The following LRP1B variants were observed in gnomAD, a reference collection of about 807,000 sequenced individuals.
LRP1B encodes the protein low-density lipoprotein receptor-related protein 1B.
LRP1B carries 217 observed loss-of-function variants against 556.6 expected under a neutral mutation model. That is an observed-to-expected ratio of 0.39 (90% CI 0.35 to 0.44). The LOEUF is 0.44. Among genes scored for constraint, LRP1B ranks in the 20% least tolerant of loss-of-function variants. LRP1B has a pLI of 1.00. For synonymous variants in LRP1B, 2,047 were observed against 1,865.8 expected (o/e 1.10, Z -2.50); for missense variants, 5,053 against 5,620.8 (o/e 0.90, Z 3.23).
chr2:141,431,151 A>AAAT (rs1322761674), intron 3 of LRP1B, among the ~76,000 whole-genome samples: 1 of 151,726 alleles, frequency 6.6e-6, no homozygotes, highest in African/African-American at 2.4e-5. Context: ...CAAAATAAAT[A>AAAT]AATAAATAAA....
At chr2:140,982,103 G>T (rs1696786810) in intron 18 of LRP1B, 57 bp downstream of exon 18, 2 of 1,337,168 alleles carry the variant, frequency 1.5e-6, no homozygotes, top group Non-Finnish European at 2.1e-6. Flanking sequence ...GGGTGTAGTG[G>T]TAGGGTATCC....
intron 41 of LRP1B, among the ~76,000 whole-genome samples, chr2:140,684,557 G>A (rs1030375518): frequency 6.6e-6 from 1 of 152,044 alleles, no homozygotes; most frequent in Non-Finnish European, 1.5e-5. Context: ...AAATAGAGAA[G>A]TTTTTGCCAT....
At chr2:140,444,179 C>A in intron 65 of LRP1B, 151 bp downstream of exon 65, 1 of 732,648 alleles carries the variant, frequency 1.4e-6, no homozygotes. Context: ...TTTAGAGCTT[C>A]TATCCCAGTT....
chr2:140,312,047 G>T (rs186814059), intron 83 of LRP1B, among the ~76,000 whole-genome samples: 1 of 151,836 alleles, frequency 6.6e-6, no homozygotes, highest in South Asian at 2.1e-4. Flanking sequence ...TGAATGAGAA[G>T]GAATGCTCTT....
rs961605998 is a variant in LRP1B, at chr2:140,231,902, C to G, written c.*1284G>C. 1 of 151,626 alleles carries G rather than the reference C, an allele frequency of 6.6e-6. No homozygotes were observed. The highest frequency in any genetic ancestry group is 6.6e-5 in the Admixed American group (1 of 15,104). 9.4% of individuals were successfully genotyped at this position (151,626 alleles called of 1,614,324 possible). A position where few individuals can be genotyped will look rare whatever the true frequency, so the allele number is the denominator to read the frequency against. On this transcript the variant is annotated 3_prime_UTR_variant, in exon 91 of 91. Transcript: ENST00000389484. Reference sequence around the variant, plus strand: ...CTTTAAAGATATTTGTATAAAAATGCTATCCTTTTATTTTTATATACAACT... The same window carrying G: ...CTTTAAAGATATTTGTATAAAAATGGTATCCTTTTATTTTTATATACAACT...
intron 7 of LRP1B, among the ~76,000 whole-genome samples, chr2:141,163,855 G>A (rs1482646155): frequency 6.6e-6 from 1 of 151,822 alleles, no homozygotes; most frequent in East Asian, 1.9e-4. Context: ...AACTAATACA[G>A]GTATCAATCC....
intron 2 of LRP1B, among the ~76,000 whole-genome samples, chr2:141,487,425 G>A (rs9287319): frequency 0.82 from 124,058 of 152,040 alleles, 52,077 homozygotes; most frequent in East Asian, 0.93. Context: ...CCTCTGACAT[G>A]TTAGAAGTTA....
At chr2:141,879,502 C>T (rs1698882343) in intron 1 of LRP1B, among the ~76,000 whole-genome samples, 1 of 151,668 alleles carries the variant, frequency 6.6e-6, no homozygotes, top group Non-Finnish European at 1.5e-5. Flanking sequence ...TTATTTTAAA[C>T]TTTGGATAAG....
intron 2 of LRP1B, among the ~76,000 whole-genome samples, chr2:141,735,912 T>C (rs1289084769): frequency 6.6e-6 from 1 of 152,160 alleles, no homozygotes; most frequent in Non-Finnish European, 1.5e-5. Context: ...TCAAGGTCAG[T>C]AGAGAAACTC....
chr2:141,487,500 A>G (rs1257903865), intron 2 of LRP1B, among the ~76,000 whole-genome samples: 1 of 152,142 alleles, frequency 6.6e-6, no homozygotes, highest in African/African-American at 2.4e-5. Flanking sequence ...TCTCACGAAT[A>G]CTCTCAAAAT....
intron 2 of LRP1B, among the ~76,000 whole-genome samples, chr2:141,788,754 G>C (rs181091793): frequency 0.01 from 1,389 of 133,866 alleles, 30 homozygotes; most frequent in African/African-American, 0.038. Context: ...TGTTCTCACT[G>C]TTCAATTCCC....
Position 141,397,195 on chromosome 2 carries a change from T to TTC in LRP1B, c.343+83199_343+83200dup, listed in dbSNP as rs917208311. On this transcript the variant is annotated intron_variant, in intron 3 of 90. Coordinates refer to ENST00000389484, the MANE Select transcript of LRP1B (RefSeq NM_018557.3). ...GAAGTTTAGAGATGGTACTTTGTGT[T>TTC]TCGTCTTAGCATGACATAGATATCC... is the stretch of plus-strand genomic sequence containing the variant. 6.9e-4 allele frequency among the ~76,000 whole-genome samples: 103 copies of TTC among 150,112 alleles called. 1 individual carries two copies. Among genetic ancestry groups the TTC allele is most frequent in the African/African-American group, 2.4e-3 (100 of 41,010 alleles).
chr2:141,421,539 A>AT (rs1374861115), intron 3 of LRP1B, among the ~76,000 whole-genome samples: 6 of 152,056 alleles, frequency 3.9e-5, no homozygotes, highest in South Asian at 2.1e-4. Context: ...AAAAAAAAAA[A>AT]AAAAAATTTA....
At chr2:141,580,710 C>G (rs564563085) in intron 2 of LRP1B, among the ~76,000 whole-genome samples, 9 of 152,292 alleles carry the variant, frequency 5.9e-5, no homozygotes, top group African/African-American at 1.9e-4. Flanking sequence ...ATAAAGTTAA[C>G]CTAAACACAA....
Position 142,060,942 on chromosome 2 carries a change from C to G in LRP1B, c.82+69706G>C, listed in dbSNP as rs148555540. 3.5e-3 allele frequency among the ~76,000 whole-genome samples: 528 copies of G among 151,980 alleles called. 2 individuals are homozygous for G. Among genetic ancestry groups the G allele is most frequent in the African/African-American group, 0.012 (479 of 41,502 alleles). Reference sequence around the variant, plus strand: ...CTGACAATTAGAGTTCATAGATGACCAGGGAGGTGCTGTCCTAGAGTAAGC... The same window carrying G: ...CTGACAATTAGAGTTCATAGATGACGAGGGAGGTGCTGTCCTAGAGTAAGC... On this transcript the variant is annotated intron_variant, in intron 1 of 90. Transcript: ENST00000389484.
intron 7 of LRP1B, among the ~76,000 whole-genome samples, chr2:141,159,179 T>C (rs184966400): frequency 6.6e-6 from 1 of 152,290 alleles, no homozygotes; most frequent in African/African-American, 2.4e-5. Flanking sequence ...AAACAACATA[T>C]TTCTCACATA....
At chr2:141,157,207 A>G (rs1414460210) in intron 7 of LRP1B, among the ~76,000 whole-genome samples, 1 of 152,158 alleles carries the variant, frequency 6.6e-6, no homozygotes, top group Non-Finnish European at 1.5e-5. Context: ...ATAGGAATAT[A>G]AAAGTTTATG....
At chr2:140,858,159 T>C (rs1307156545) in intron 27 of LRP1B, among the ~76,000 whole-genome samples, 3 of 152,230 alleles carry the variant, frequency 2.0e-5, no homozygotes, top group South Asian at 4.1e-4. Context: ...CTAATAAACA[T>C]TGTACAATTC....
chr2:141,466,747 G>A (rs1682216560), intron 3 of LRP1B, among the ~76,000 whole-genome samples: 1 of 152,100 alleles, frequency 6.6e-6, no homozygotes. Flanking sequence ...ACAGAAATAA[G>A]GGAGTCTGGG....
Sources: gnomAD v4.1 joint callset for allele counts (sites outside exome capture counted in the v4.1 genomes callset) on GRCh38, gnomAD v4.1.1 for gene constraint, MANE v1.5 for transcripts, NCBI Gene and HGNC (gene_info 2026-07-23, HGNC 2026-07-21) for gene names.